The following LSAMP variants were observed in gnomAD, a reference collection of about 807,000 sequenced individuals.
LSAMP encodes limbic system-associated membrane protein.
Under a neutral mutation model 38.6 loss-of-function variants are expected in LSAMP, and 7 were observed. The ratio of observed to expected loss-of-function variants is 0.18; its 90% confidence interval spans 0.10 to 0.34. The LOEUF is 0.34. Among genes scored for constraint, LSAMP ranks in the 10% least tolerant of loss-of-function variants. LSAMP has a pLI of 1.00. For synonymous variants in LSAMP, 154 were observed against 166.8 expected (o/e 0.92, Z 0.59); for missense variants, 313 against 420.0 (o/e 0.75, Z 2.23).
intron 3 of LSAMP, among the ~76,000 whole-genome samples, chr3:115,879,521 G>A (rs764441088): frequency 3.3e-5 from 5 of 152,126 alleles, no homozygotes; most frequent in African/African-American, 4.8e-5. Context: ...GCTGACATTA[G>A]AAGGTAGAAA....
intron 3 of LSAMP, among the ~76,000 whole-genome samples, chr3:115,860,757 A>G (rs1439546234): frequency 2.6e-5 from 4 of 152,208 alleles, no homozygotes; most frequent in Non-Finnish European, 5.9e-5. Context: ...TAGACTTAGT[A>G]CTAGAGAAGA....
At chr3:116,174,886 T>C (rs551858385) in intron 1 of LSAMP, among the ~76,000 whole-genome samples, 1 of 152,274 alleles carries the variant, frequency 6.6e-6, no homozygotes, top group South Asian at 2.1e-4. Flanking sequence ...AACCTGGCTA[T>C]ATGTGTGACC....
intron 3 of LSAMP, among the ~76,000 whole-genome samples, chr3:115,914,185 G>A (rs544008450): frequency 6.6e-6 from 1 of 152,284 alleles, no homozygotes; most frequent in South Asian, 2.1e-4. Context: ...GCTCCTCTGA[G>A]CCCTCTTTGC....
intron 1 of LSAMP, among the ~76,000 whole-genome samples, chr3:116,321,716 T>C (rs573290880): frequency 6.6e-6 from 1 of 152,280 alleles, no homozygotes; most frequent in Admixed American, 6.5e-5. Flanking sequence ...ACTCACACAC[T>C]CATTCTTAGA....
At chr3:116,162,643 A>C (rs1396217156) in intron 1 of LSAMP, among the ~76,000 whole-genome samples, 2 of 150,182 alleles carry the variant, frequency 1.3e-5, no homozygotes, top group East Asian at 3.9e-4. Context: ...GTGTGTGTAC[A>C]TTATATATAT....
chr3:116,387,540 A>G (rs1279650218), intron 1 of LSAMP, among the ~76,000 whole-genome samples: 1 of 152,142 alleles, frequency 6.6e-6, no homozygotes, highest in Non-Finnish European at 1.5e-5. Context: ...ACAAAAACTA[A>G]CAAAAAAACT....
At chr3:115,947,614 G>A (rs1187462168) in intron 3 of LSAMP, among the ~76,000 whole-genome samples, 1 of 152,094 alleles carries the variant, frequency 6.6e-6, no homozygotes, top group African/African-American at 2.4e-5. Context: ...CTCACTTTGT[G>A]GAAAGTCATC....
intron 1 of LSAMP, among the ~76,000 whole-genome samples, chr3:116,275,377 C>T (rs2107675557): frequency 6.6e-6 from 1 of 152,238 alleles, no homozygotes; most frequent in Admixed American, 6.5e-5. Flanking sequence ...TTTGTTTTCT[C>T]TATTCTTCTC....
At chr3:115,986,981 C>G (rs1318866496) in intron 3 of LSAMP, among the ~76,000 whole-genome samples, 1 of 152,088 alleles carries the variant, frequency 6.6e-6, no homozygotes, top group Non-Finnish European at 1.5e-5. Flanking sequence ...GGAAAAATAT[C>G]TGAACCTCAT....
chr3:116,007,603 A>C (rs1035416965), intron 3 of LSAMP, among the ~76,000 whole-genome samples: 1 of 152,182 alleles, frequency 6.6e-6, no homozygotes, highest in South Asian at 2.1e-4. Context: ...CTTCATCTAA[A>C]GTGACAGAAA....
intron 1 of LSAMP, among the ~76,000 whole-genome samples, chr3:116,393,910 G>A (rs1379303339): frequency 6.6e-6 from 1 of 152,174 alleles, no homozygotes; most frequent in Non-Finnish European, 1.5e-5. Context: ...TGTTTGCATG[G>A]AACGACAAGG....
intron 1 of LSAMP, among the ~76,000 whole-genome samples, chr3:116,330,929 TC>T (rs1343706835): frequency 6.6e-6 from 1 of 152,026 alleles, no homozygotes; most frequent in African/African-American, 2.4e-5. Flanking sequence ...ACAGAAACTG[TC>T]CCTAAAAAGA....
chr3:115,818,069 G>T (rs1243112945), intron 6 of LSAMP, among the ~76,000 whole-genome samples: 3 of 152,226 alleles, frequency 2.0e-5, no homozygotes, highest in East Asian at 3.8e-4. Context: ...AGGCAAAGCT[G>T]AGACTGAAAT....
At chr3:116,023,950 C>G (rs937027009) in intron 2 of LSAMP, among the ~76,000 whole-genome samples, 3 of 152,128 alleles carry the variant, frequency 2.0e-5, no homozygotes, top group Non-Finnish European at 4.4e-5. Flanking sequence ...AGTCTTTCAA[C>G]TCTTCATGCA....
At chr3:115,953,615 C>T (rs553765571) in intron 3 of LSAMP, among the ~76,000 whole-genome samples, 8 of 152,226 alleles carry the variant, frequency 5.3e-5, no homozygotes, top group Admixed American at 2.6e-4. Flanking sequence ...CTGCCATTAA[C>T]GTGATCTGAA....
Position 115,840,352 on chromosome 3 carries a change from C to G in LSAMP, c.919+1493G>C, listed in dbSNP as rs1036813983. Among the ~76,000 whole-genome samples, 4 of 151,692 alleles carry G rather than the reference C, an allele frequency of 2.6e-5. No homozygotes were observed. The East Asian group carries it at 7.8e-4, about 29-fold the overall frequency. On this transcript the variant is annotated intron_variant, in intron 6 of 6. Transcript: ENST00000490035. Reference sequence around the variant, plus strand: ...CCAGTTGAGGCTGGTTCCCCCCGCACCCCCCCTCTCCCGCTGCCATTTATG... The same window carrying G: ...CCAGTTGAGGCTGGTTCCCCCCGCAGCCCCCCTCTCCCGCTGCCATTTATG...
At position 116,076,494 on chromosome 3, in the gene LSAMP, T is replaced by C. The variant is rs138494402; in HGVS notation, c.388+9830A>G. 2.7e-3 allele frequency among the ~76,000 whole-genome samples: 412 copies of C among 152,172 alleles called. 2 individuals are homozygous for C. The highest frequency in any genetic ancestry group is 9.6e-3 in the African/African-American group (399 of 41,528). On this transcript the variant is annotated intron_variant, in intron 2 of 6. Coordinates refer to ENST00000490035, the MANE Select transcript of LSAMP (RefSeq NM_002338.5). ...GGATGGTCTCAATCTCATGACCTCATGATCTGCCCACCTCAGCCTCCCAAA... is the reference window on the plus strand; with the variant it reads ...GGATGGTCTCAATCTCATGACCTCACGATCTGCCCACCTCAGCCTCCCAAA...
At chr3:116,042,431 CT>C (rs1013336834) in intron 2 of LSAMP, among the ~76,000 whole-genome samples, 293 of 134,800 alleles carry the variant, frequency 2.2e-3, no homozygotes, top group South Asian at 2.6e-3. Flanking sequence ...AAGAGCATTT[CT>C]TTTTTTTTTT....
chr3:116,159,332 G>C (rs575228838), intron 1 of LSAMP, among the ~76,000 whole-genome samples: 1 of 152,078 alleles, frequency 6.6e-6, no homozygotes, highest in South Asian at 2.1e-4. Flanking sequence ...TATAGAATGG[G>C]AGTAAATATT....
Sources: gnomAD v4.1 joint callset for allele counts (sites outside exome capture counted in the v4.1 genomes callset) on GRCh38, gnomAD v4.1.1 for gene constraint, MANE v1.5 for transcripts, NCBI Gene and HGNC (gene_info 2026-07-23, HGNC 2026-07-21) for gene names.